The following PLPP3 variants were observed in gnomAD, a reference collection of about 807,000 sequenced individuals.
PLPP3 encodes the protein phospholipid phosphatase 3.
In PLPP3, 6 loss-of-function variants were observed where a neutral mutation model predicts 29.6. The ratio of observed to expected loss-of-function variants is 0.20; its 90% CI spans 0.11 to 0.40. The LOEUF (loss-of-function observed/expected upper bound fraction) is 0.40. PLPP3 is among the 10% of genes least tolerant of loss of function. The pLI is 1.00. For synonymous variants in PLPP3, 152 were observed against 159.7 expected, an observed-to-expected ratio of 0.95 and a Z score of 0.36; for missense variants, 308 against 407.7, an observed-to-expected ratio of 0.76 and a Z score of 2.11.
chr1:56,525,406 C>T (rs1645846274), intron 2 of PLPP3, among the ~76,000 whole-genome samples: 1 of 152,160 alleles, frequency 6.6e-6, no homozygotes, highest in African/African-American at 2.4e-5. Flanking sequence ...CATACTGTAT[C>T]TATGATATGA....
intron 1 of PLPP3, chr1:56,538,683 C>T: frequency 3.9e-6 from 1 of 259,248 alleles, no homozygotes; most frequent in South Asian, 5.4e-5. Flanking sequence ...CTGTTGTAAA[C>T]AAAAAAGTTA....
chr1:56,560,941 C>G (rs1004798693), intron 1 of PLPP3, among the ~76,000 whole-genome samples: 1 of 149,354 alleles, frequency 6.7e-6, no homozygotes, highest in African/African-American at 2.4e-5. Flanking sequence ...GGGTTCACAC[C>G]ATTCTCCTGC....
chr1:56,568,217 G>T (rs1246130074), intron 1 of PLPP3, among the ~76,000 whole-genome samples: 1 of 151,824 alleles, frequency 6.6e-6, no homozygotes, highest in African/African-American at 2.4e-5. Flanking sequence ...AATTGGTTGT[G>T]GTGATAGTTT....
At chr1:56,555,433 TAAAA>T (rs66593221) in intron 1 of PLPP3, among the ~76,000 whole-genome samples, 2 of 33,216 alleles carry the variant, frequency 6.0e-5, no homozygotes, top group African/African-American at 3.3e-4. Flanking sequence ...GGCCAAACAC[TAAAA>T]AAAAAAAAAA....
At chr1:56,510,876 C>G (rs1280943267) in intron 5 of PLPP3, among the ~76,000 whole-genome samples, 2 of 152,144 alleles carry the variant, frequency 1.3e-5, no homozygotes, top group Non-Finnish European at 1.5e-5. Context: ...AGACACCCAT[C>G]GACAATTTCA....
chr1:56,511,572 A>C (rs1177800027), intron 5 of PLPP3, among the ~76,000 whole-genome samples: 2 of 152,138 alleles, frequency 1.3e-5, no homozygotes, highest in African/African-American at 4.8e-5. Context: ...CAGGAGACTT[A>C]GATCTTGCTA....
In PLPP3 at chr1:56,524,794, G is replaced by A. The variant is rs1159341256; in HGVS notation, c.298-240C>T. 7.1e-6 allele frequency among the ~76,000 whole-genome samples: 1 copy of A among 140,924 alleles called. No individual in the cohort carries two copies. Among genetic ancestry groups the A allele is most frequent in the Non-Finnish European group, 1.5e-5 (1 of 64,940 alleles). The allele number at this position is 140,924 out of a possible 152,430, so 92.5% of individuals were successfully genotyped here. A position where few individuals can be genotyped will look rare whatever the true frequency, so the allele number is the denominator to read the frequency against. ...AATATACAACCAAATATATTTATAT[G>A]TATATATGTGTATGTGTGTGTGTGT... is the stretch of plus-strand genomic sequence containing the variant. On this transcript the variant is annotated intron_variant, in intron 2 of 5. Transcript: ENST00000371250. The surrounding 1 kb of genome is among the most constrained non-coding windows in gnomAD (Gnocchi z 4.3).
chr1:56,537,224 G>T, intron 1 of PLPP3, 112 bp from the exon 2 acceptor site: 1 of 1,165,192 alleles, frequency 8.6e-7, no homozygotes, highest in Non-Finnish European at 1.2e-6. Flanking sequence ...ATATCACTGA[G>T]AGTGATAATC....
At chr1:56,569,036 C>T (rs1214158561) in intron 1 of PLPP3, among the ~76,000 whole-genome samples, 1 of 152,120 alleles carries the variant, frequency 6.6e-6, no homozygotes, top group Non-Finnish European at 1.5e-5. Context: ...TTTGCCTACC[C>T]TCAAATCCAG....
intron 1 of PLPP3, among the ~76,000 whole-genome samples, chr1:56,548,557 T>C (rs1325187442): frequency 6.6e-6 from 1 of 152,170 alleles, no homozygotes; most frequent in African/African-American, 2.4e-5. Flanking sequence ...CAAATGGCAA[T>C]GGGTGGCAAG....
In PLPP3 at chr1:56,579,266, G is replaced by A. The variant is rs1399963943; in HGVS notation, c.-250C>T. The A allele has an allele frequency of 8.6e-6, 4 of 466,462 alleles. No individual in the cohort carries two copies. The highest frequency in any genetic ancestry group is 1.1e-5 in the Non-Finnish European group (3 of 267,610). The allele number at this position is 466,462 out of a possible 1,614,324, so 28.9% of individuals were successfully genotyped here. A position where few individuals can be genotyped will look rare whatever the true frequency, so the allele number is the denominator to read the frequency against. On this transcript the variant is annotated 5_prime_UTR_variant, in exon 1 of 6. Coordinates refer to ENST00000371250, the MANE Select transcript of PLPP3 (RefSeq NM_003713.5). ...CCTAAATCGTTCTAAAGTCCAAGGG[G>A]AAGAGAGCCAGATCCCGAGCAGAAA...
chr1:56,571,553 C>T (rs553235828), intron 1 of PLPP3, among the ~76,000 whole-genome samples: 2 of 152,288 alleles, frequency 1.3e-5, no homozygotes, highest in South Asian at 2.1e-4. Flanking sequence ...CTCCAAGGTA[C>T]TTCCAAATTC....
intron 1 of PLPP3, among the ~76,000 whole-genome samples, chr1:56,551,678 A>C (rs1646040646): frequency 6.6e-6 from 1 of 152,242 alleles, no homozygotes; most frequent in South Asian, 2.1e-4. Context: ...TTGTCCATCA[A>C]GATGATAGAA....
intron 1 of PLPP3, among the ~76,000 whole-genome samples, chr1:56,567,260 CGT>C (rs1458190111): frequency 1.3e-5 from 2 of 152,078 alleles, no homozygotes; most frequent in Non-Finnish European, 2.9e-5. Context: ...TGATTCAAAA[CGT>C]GTTTCTTTGT....
intron 1 of PLPP3, chr1:56,538,411 G>C (rs922211483): frequency 2.2e-5 from 8 of 365,564 alleles, no homozygotes; most frequent in South Asian, 2.0e-4. Flanking sequence ...AAACACAGTG[G>C]CCTTTCAGCT....
At chr1:56,519,043 C>T (rs1645801324) in intron 4 of PLPP3, among the ~76,000 whole-genome samples, 1 of 151,042 alleles carries the variant, frequency 6.6e-6, no homozygotes, top group South Asian at 2.1e-4. Flanking sequence ...GGGTGGGGTG[C>T]GGGGAGAACA....
rs1449569008 is a variant in PLPP3, at chr1:56,524,799, T to C, written c.298-245A>G. ...ACAACCAAATATATTTATATGTATA[T>C]ATGTGTATGTGTGTGTGTGTGTGTG... On this transcript the variant is annotated intron_variant, in intron 2 of 5. Transcript: ENST00000371250. This position sits in a 1 kb window ranked among gnomAD's most constrained non-coding sequence, Gnocchi z 4.3. Among the ~76,000 whole-genome samples, 1 of 132,996 alleles carries C rather than the reference T, an allele frequency of 7.5e-6. No homozygotes were observed. Among genetic ancestry groups the C allele is most frequent in the East Asian group, 2.0e-4 (1 of 4,972 alleles). 87.3% of individuals were successfully genotyped at this position (132,996 alleles called of 152,430 possible). A position where few individuals can be genotyped will look rare whatever the true frequency, so the allele number is the denominator to read the frequency against.
chr1:56,540,667 C>T (rs929396710), intron 1 of PLPP3, among the ~76,000 whole-genome samples: 34 of 150,366 alleles, frequency 2.3e-4, no homozygotes, highest in African/African-American at 8.2e-4. Context: ...ATTTACAAAA[C>T]CCGATGGCTT....
At chr1:56,507,187 C>T (rs550024917) in intron 5 of PLPP3, among the ~76,000 whole-genome samples, 1 of 152,292 alleles carries the variant, frequency 6.6e-6, no homozygotes, top group African/African-American at 2.4e-5. Flanking sequence ...TGCCTGTTGC[C>T]TAAGGCTCTG....
Sources: allele counts gnomAD v4.1 joint callset (sites outside exome capture counted in the v4.1 genomes callset), GRCh38; gene constraint gnomAD v4.1.1; non-coding constraint Gnocchi (gnomAD v3.1); transcripts MANE v1.5; gene names NCBI Gene and HGNC (gene_info 2026-07-23, HGNC 2026-07-21).